The following SLC38A1 variants were observed in gnomAD, a reference collection of about 807,000 sequenced individuals.
SLC38A1 encodes the protein sodium-coupled neutral amino acid symporter 1.
A neutral mutation model predicts 60.3 loss-of-function variants in SLC38A1; 18 were observed. The ratio of observed to expected loss-of-function variants is 0.30; its 90% CI spans 0.21 to 0.44. SLC38A1 has a LOEUF of 0.44. Among genes scored for constraint, SLC38A1 ranks in the 20% least tolerant of loss-of-function variants. The pLI, the probability that SLC38A1 is intolerant of heterozygous loss-of-function variation, is 1.00. For synonymous variants in SLC38A1, 196 were observed against 212.1 expected (o/e 0.92, Z 0.66); for missense variants, 448 against 587.2 (o/e 0.76, Z 2.45).
At chr12:46,239,444 C>G (rs1244542244) in intron 3 of SLC38A1, 1 of 304,694 alleles carries the variant, frequency 3.3e-6, no homozygotes, top group South Asian at 4.3e-5. Context: ...CCTGCCTCAG[C>G]CTCCCAAGTA....
At chr12:46,199,307 T>TTGTGTGTGTGTG (rs71067986) in intron 13 of SLC38A1, among the ~76,000 whole-genome samples, 2 of 125,282 alleles carry the variant, frequency 1.6e-5, no homozygotes, top group Non-Finnish European at 3.3e-5. Context: ...ATGTACTACT[T>TTGTGTGTGTGTG]TGTGTGTGTG....
intron 1 of SLC38A1, among the ~76,000 whole-genome samples, chr12:46,256,072 A>G (rs1407266384): frequency 6.6e-6 from 1 of 151,412 alleles, no homozygotes; most frequent in Non-Finnish European, 1.5e-5. Flanking sequence ...AGGCTGAGGC[A>G]GGAGAATGGC....
intron 1 of SLC38A1, among the ~76,000 whole-genome samples, chr12:46,262,683 A>G (rs1168457501): frequency 6.6e-6 from 1 of 152,244 alleles, no homozygotes; most frequent in Non-Finnish European, 1.5e-5. Flanking sequence ...TATGACTCCT[A>G]ACAAAATACT....
At chr12:46,230,236 A>G (rs1941021307) in intron 3 of SLC38A1, among the ~76,000 whole-genome samples, 1 of 152,194 alleles carries the variant, frequency 6.6e-6, no homozygotes, top group South Asian at 2.1e-4. Context: ...AGCGCCTGCT[A>G]TATGCAAGTC....
intron 5 of SLC38A1, 91 bp downstream of exon 5, chr12:46,229,058 CTATT>C: frequency 1.5e-6 from 1 of 682,698 alleles, no homozygotes; most frequent in East Asian, 2.9e-5. Flanking sequence ...AATAAAAAAA[CTATT>C]TATAAATATT....
chr12:46,209,021 G>C (rs372221603), intron 6 of SLC38A1, 33 bp downstream of exon 6: 1 of 1,487,544 alleles, frequency 6.7e-7, no homozygotes, highest in Admixed American at 1.7e-5. Context: ...ATTCACCCTG[G>C]TTTTAACAAA....
intron 5 of SLC38A1, among the ~76,000 whole-genome samples, chr12:46,210,476 G>A (rs1461053853): frequency 6.6e-6 from 1 of 152,194 alleles, no homozygotes; most frequent in African/African-American, 2.4e-5. Flanking sequence ...GATATGATTG[G>A]TAAGGAAGTA....
In SLC38A1 at chr12:46,239,570, T is replaced by A. The variant is rs1051371226; in HGVS notation, c.122+109A>T. ...GTTGGTCAGGCTGGTCTCGAATTCC[T>A]GACCTCAAATGATCCACCCACCTCG... On this transcript the variant is annotated intron_variant, in intron 3 of 16. Transcript: ENST00000398637. 18 of 1,229,330 alleles carry A rather than the reference T, an allele frequency of 1.5e-5. No homozygotes were observed. In the African/African-American group the frequency reaches 2.2e-4, roughly 15 times the overall value. The allele number at this position is 1,229,330 out of a possible 1,614,324, so 76.2% of individuals were successfully genotyped here. A position where few individuals can be genotyped will look rare whatever the true frequency, so the allele number is the denominator to read the frequency against.
At chr12:46,254,523 G>A (rs1384942821) in intron 1 of SLC38A1, among the ~76,000 whole-genome samples, 2 of 152,170 alleles carry the variant, frequency 1.3e-5, no homozygotes, top group African/African-American at 4.8e-5. Flanking sequence ...AGGAATCTCA[G>A]ATAAGACTTT....
At position 46,183,371 on chromosome 12, in the gene SLC38A1, G is replaced by C. The variant is rs1938831386; in HGVS notation, c.*5599C>G. The C allele has an allele frequency of 6.6e-6, 1 of 152,044 alleles. No homozygotes were observed. Among genetic ancestry groups the C allele is most frequent in the Admixed American group, 6.5e-5 (1 of 15,268 alleles). 9.4% of individuals were successfully genotyped at this position (152,044 alleles called of 1,614,324 possible). On this transcript the variant is annotated 3_prime_UTR_variant, in exon 17 of 17. Coordinates refer to ENST00000398637, the MANE Select transcript of SLC38A1 (RefSeq NM_030674.4). Reference sequence around the variant, plus strand: ...AACGACCAAGATTCAAGTGTTTGGGGAAAAAAATACCTTAGACAGTCTATG... The same window carrying C: ...AACGACCAAGATTCAAGTGTTTGGGCAAAAAAATACCTTAGACAGTCTATG...
chr12:46,196,365 A>G, intron 16 of SLC38A1: 1 of 1,492,288 alleles, frequency 6.7e-7, no homozygotes, highest in East Asian at 2.5e-5. Context: ...TGGTCCTTAC[A>G]CAGATGGAAC....
chr12:46,238,806 A>T (rs1258191462), intron 3 of SLC38A1, among the ~76,000 whole-genome samples: 1 of 151,890 alleles, frequency 6.6e-6, no homozygotes, highest in African/African-American at 2.4e-5. Flanking sequence ...CTTCTTCCCC[A>T]TTGCTTCTCT....
rs1938986937 is a variant in SLC38A1, at chr12:46,187,781, GGT to G, written c.*1187_*1188del. On this transcript the variant is annotated 3_prime_UTR_variant, in exon 17 of 17. Coordinates refer to ENST00000398637, the MANE Select transcript of SLC38A1 (RefSeq NM_030674.4). Reference sequence around the variant, plus strand: ...GCTCTTCACAAAGACTATCTCTGAGGGTTTTTTTTTTTTTTTTTTCACAAGAC... The same window carrying G: ...GCTCTTCACAAAGACTATCTCTGAGGTTTTTTTTTTTTTTTTTCACAAGAC... 9.1e-6 allele frequency: 1 copy of G among 110,444 alleles called. No individual in the cohort carries two copies. 6.8% of individuals were successfully genotyped at this position (110,444 alleles called of 1,614,324 possible). A position where few individuals can be genotyped will look rare whatever the true frequency, so the allele number is the denominator to read the frequency against.
At chr12:46,192,504 T>C (rs1011536178) in intron 16 of SLC38A1, among the ~76,000 whole-genome samples, 4 of 152,238 alleles carry the variant, frequency 2.6e-5, no homozygotes, top group African/African-American at 9.6e-5. Flanking sequence ...TCAGGAGGAA[T>C]GGTACCAGCT....
rs1238744307 is a variant in SLC38A1 at position 46,206,164 on chromosome 12, T to C, written c.564-2A>G. 1.3e-6 allele frequency: 2 copies of C among 1,599,752 alleles called. No homozygotes were observed. The highest frequency in any genetic ancestry group is 1.7e-6 in the Non-Finnish European group (2 of 1,169,538). ...ACGCGGCCATCCACGTACCAGGCTCTGAAAGGCATTTAAGTGATTAGGTTA... is the reference window on the plus strand; with the variant it reads ...ACGCGGCCATCCACGTACCAGGCTCCGAAAGGCATTTAAGTGATTAGGTTA... On this transcript the variant is annotated splice_acceptor_variant, in intron 8 of 16. Coordinates refer to ENST00000398637, the MANE Select transcript of SLC38A1 (RefSeq NM_030674.4). LOFTEE classifies it high-confidence loss of function.
At chr12:46,198,521 C>T in intron 14 of SLC38A1, 104 bp downstream of exon 14, 1 of 731,606 alleles carries the variant, frequency 1.4e-6, no homozygotes, top group Non-Finnish European at 2.2e-6. Context: ...TTCAATAACC[C>T]AGGAAAGTTA....
At chr12:46,240,638 G>C (rs1376287718) in intron 2 of SLC38A1, among the ~76,000 whole-genome samples, 1 of 152,138 alleles carries the variant, frequency 6.6e-6, no homozygotes, top group Non-Finnish European at 1.5e-5. Flanking sequence ...TGCAAATCCT[G>C]GGATCAAGCA....
chr12:46,190,252 G>A (rs946020274), intron 16 of SLC38A1, among the ~76,000 whole-genome samples: 23 of 152,088 alleles, frequency 1.5e-4, no homozygotes, highest in African/African-American at 5.6e-4. Context: ...CCATGTCCCT[G>A]CAAAGGACAT....
intron 1 of SLC38A1, among the ~76,000 whole-genome samples, chr12:46,251,256 A>G (rs1015382161): frequency 7.4e-4 from 113 of 152,232 alleles, no homozygotes; most frequent in African/African-American, 2.6e-3. Context: ...AGGATTCACT[A>G]TTTAATAAAT....
Sources: allele counts gnomAD v4.1 joint callset (sites outside exome capture counted in the v4.1 genomes callset), GRCh38; gene constraint gnomAD v4.1.1; transcripts MANE v1.5; gene names NCBI Gene and HGNC (gene_info 2026-07-23, HGNC 2026-07-21).